The following FRYL variants were observed in gnomAD, a reference collection of about 807,000 sequenced individuals.
The protein encoded by FRYL is protein furry homolog-like.
A neutral mutation model predicts 351.2 loss-of-function variants in FRYL; 150 were observed. The observed-to-expected ratio is 0.43, with a 90% CI of 0.37 to 0.49. FRYL has a LOEUF of 0.49. FRYL is among the 20% of genes least tolerant of loss of function. The pLI is 0.00. For missense variants in FRYL, 3,036 were observed against 3,619.3 expected, an observed-to-expected ratio of 0.84 and a Z score of 4.13; for synonymous variants, 1,153 against 1,257.1, an observed-to-expected ratio of 0.92 and a Z score of 1.75.
Position 48,528,005 on chromosome 4 carries a change from C to T in FRYL, c.7106G>A (p.Cys2369Tyr). 1 of 1,581,432 alleles carries T rather than the reference C, an allele frequency of 6.3e-7. No homozygotes were observed. Among genetic ancestry groups the T allele is most frequent in the Non-Finnish European group, 8.5e-7 (1 of 1,171,030 alleles). ...CTTTGGGAGGCCAGATTCTGGACCA[C>T]AGAGAGAAAGCACATTCATTAGCTT... ...REKLMNVLSLCGPESGLPKNP... is the reference protein window; with the variant it reads ...REKLMNVLSLYGPESGLPKNP... The change falls in exon 52 of 64, where the codon TGT becomes TAT. Residue 2369 changes from cysteine (C) to tyrosine (Y), a missense_variant. By Grantham distance (194) the Cys-to-Tyr change is radical. Transcript: ENST00000358350.
chr4:48,510,805 T>C, intron 58 of FRYL, 30 bp downstream of exon 58: 1 of 1,570,482 alleles, frequency 6.4e-7, no homozygotes, highest in Non-Finnish European at 8.7e-7. Flanking sequence ...CAATGTAGTC[T>C]TTATAATAAA....
At chr4:48,754,735 T>C (rs1410305400) in intron 1 of FRYL, among the ~76,000 whole-genome samples, 1 of 151,404 alleles carries the variant, frequency 6.6e-6, no homozygotes, top group Non-Finnish European at 1.5e-5. Context: ...TGGCATGATC[T>C]TGGCGCACTG....
intron 7 of FRYL, among the ~76,000 whole-genome samples, chr4:48,610,405 C>A (rs550133971): frequency 6.6e-6 from 1 of 151,888 alleles, no homozygotes; most frequent in South Asian, 2.1e-4. Context: ...CACATATAAT[C>A]ACTATTAACA....
At chr4:48,508,056 G>A (rs1721657760) in intron 59 of FRYL, among the ~76,000 whole-genome samples, 2 of 152,192 alleles carry the variant, frequency 1.3e-5, no homozygotes, top group South Asian at 4.1e-4. Flanking sequence ...TTTAGGCTTT[G>A]CAAAACATAT....
chr4:48,523,200 T>C (rs1425011853), intron 53 of FRYL, 96 bp from the exon 54 acceptor site: 27 of 758,446 alleles, frequency 3.6e-5, no homozygotes, highest in Non-Finnish European at 4.4e-6. Flanking sequence ...AGATGAAAAA[T>C]ACTTAATGCA....
At chr4:48,508,526 C>CT (rs1721785396) in intron 59 of FRYL, among the ~76,000 whole-genome samples, 1 of 152,234 alleles carries the variant, frequency 6.6e-6, no homozygotes, top group African/African-American at 2.4e-5. Context: ...GTATCTATTG[C>CT]TTTAAAACCA....
chr4:48,764,380 G>C (rs1266388465), intron 1 of FRYL, among the ~76,000 whole-genome samples: 1 of 151,488 alleles, frequency 6.6e-6, no homozygotes, highest in African/African-American at 2.4e-5. Context: ...AAAATCAAAA[G>C]GTTAGCCGGG....
chr4:48,540,329 C>T (rs867656914), intron 46 of FRYL, 24 bp downstream of exon 46: 2 of 1,599,584 alleles, frequency 1.3e-6, no homozygotes, highest in Middle Eastern at 1.7e-4. Flanking sequence ...ATGCAAAGTG[C>T]TGGTGCAATT....
At chr4:48,572,206 C>T (rs567970855) in intron 26 of FRYL, among the ~76,000 whole-genome samples, 71 of 152,324 alleles carry the variant, frequency 4.7e-4, no homozygotes, top group African/African-American at 1.6e-3. Flanking sequence ...ATCTAAGATG[C>T]TTTACAAAAA....
Position 48,544,991 on chromosome 4 carries a change from A to C in FRYL, c.5280-87T>G, listed in dbSNP as rs567027550. 37 of 1,355,060 alleles carry C rather than the reference A, an allele frequency of 2.7e-5. No individual in the cohort carries two copies. In the Admixed American group the frequency reaches 6.3e-4, roughly 23 times the overall value. The allele number at this position is 1,355,060 out of a possible 1,614,324, so 83.9% of individuals were successfully genotyped here. On this transcript the variant is annotated intron_variant, in intron 42 of 63. Coordinates refer to ENST00000358350, the MANE Select transcript of FRYL (RefSeq NM_015030.2). ...ACACTTGCCTAAATTACACCTTTAC[A>C]ATTAGAAAGGATGGTAGTTGAATAA...
intron 1 of FRYL, among the ~76,000 whole-genome samples, chr4:48,716,761 A>C (rs1017888629): frequency 2.0e-5 from 3 of 151,588 alleles, no homozygotes; most frequent in Admixed American, 1.3e-4. Context: ...ACCTGGCCAT[A>C]CCATTACTGG....
intron 1 of FRYL, among the ~76,000 whole-genome samples, chr4:48,730,456 G>A (rs1770596679): frequency 6.6e-6 from 1 of 152,092 alleles, no homozygotes; most frequent in South Asian, 2.1e-4. Flanking sequence ...TTGAAATGAA[G>A]GAAAAAATGT....
intron 1 of FRYL, among the ~76,000 whole-genome samples, chr4:48,736,831 C>A (rs1158476040): frequency 1.8e-5 from 2 of 108,532 alleles, no homozygotes; most frequent in African/African-American, 7.2e-5. Context: ...GCCTGGGCGA[C>A]AGACTGAGAC....
chr4:48,524,749 C>T (rs997330759), intron 53 of FRYL, among the ~76,000 whole-genome samples: 3 of 152,070 alleles, frequency 2.0e-5, no homozygotes, highest in Admixed American at 2.0e-4. Context: ...TGTTTATTAC[C>T]ACTGACATTT....
intron 3 of FRYL, among the ~76,000 whole-genome samples, chr4:48,673,137 C>CCAAT (rs1294327962): frequency 1.3e-5 from 2 of 152,092 alleles, no homozygotes; most frequent in Non-Finnish European, 2.9e-5. Flanking sequence ...TGAAATGGAA[C>CCAAT]CAATACAATA....
intron 50 of FRYL, among the ~76,000 whole-genome samples, chr4:48,530,871 C>A (rs1000346357): frequency 2.0e-5 from 3 of 152,134 alleles, no homozygotes; most frequent in South Asian, 2.1e-4. Flanking sequence ...TTAATGTATT[C>A]CAGCCGAGTG....
chr4:48,600,995 C>T (rs1237515740), intron 13 of FRYL, among the ~76,000 whole-genome samples: 1 of 151,952 alleles, frequency 6.6e-6, no homozygotes, highest in Non-Finnish European at 1.5e-5. Flanking sequence ...GTATATATTC[C>T]GTATACCTAA....
chr4:48,778,785 G>T (rs1776299521), intron 1 of FRYL, among the ~76,000 whole-genome samples: 1 of 152,126 alleles, frequency 6.6e-6, no homozygotes, highest in South Asian at 2.1e-4. Context: ...CTCCTAGGCA[G>T]CACAGCATTT....
At chr4:48,664,990 T>C (rs536646013) in intron 3 of FRYL, among the ~76,000 whole-genome samples, 206 of 152,248 alleles carry the variant, frequency 1.4e-3, no homozygotes, top group African/African-American at 4.6e-3. Flanking sequence ...TATAAGTGGG[T>C]TTCTAAAAAA....
Sources: gnomAD v4.1 joint callset for allele counts (sites outside exome capture counted in the v4.1 genomes callset) on GRCh38, gnomAD v4.1.1 for gene constraint, MANE v1.5 for transcripts, NCBI Gene and HGNC (gene_info 2026-07-23, HGNC 2026-07-21) for gene names.